Variants in CTNNA3 observed in about 807,000 individuals in gnomAD.
CTNNA3 encodes catenin alpha 3.
CTNNA3 carries 76 observed loss-of-function variants against 95.7 expected under a neutral mutation model. The observed-to-expected ratio is 0.79, with a 90% CI of 0.66 to 0.96. The LOEUF (loss-of-function observed/expected upper bound fraction) is 0.96. CTNNA3 is among the 40% of genes least tolerant of loss of function. The pLI is 0.00. For missense variants in CTNNA3, 1,191 were observed against 1,089.8 expected, an observed-to-expected ratio of 1.09 and a Z score of -1.31; for synonymous variants, 431 against 374.4, an observed-to-expected ratio of 1.15 and a Z score of -1.74.
intron 11 of CTNNA3, among the ~76,000 whole-genome samples, chr10:66,453,200 G>A (rs574545044): frequency 6.7e-6 from 1 of 150,368 alleles, no homozygotes; most frequent in African/African-American, 2.5e-5. Flanking sequence ...CTGGGCGACA[G>A]AAGGAGACTC....
intron 6 of CTNNA3, among the ~76,000 whole-genome samples, chr10:67,183,377 A>G (rs1335665802): frequency 6.6e-6 from 1 of 152,208 alleles, no homozygotes; most frequent in African/African-American, 2.4e-5. Context: ...TGATGAGTTC[A>G]TGTCCTTTGT....
intron 1 of CTNNA3, among the ~76,000 whole-genome samples, chr10:67,687,930 C>A (rs983042607): frequency 6.6e-6 from 1 of 152,190 alleles, no homozygotes; most frequent in Non-Finnish European, 1.5e-5. Context: ...GGGATCCATA[C>A]TGGGGATGGC....
At chr10:66,345,186 C>G (rs904228851) in intron 12 of CTNNA3, among the ~76,000 whole-genome samples, 1 of 151,968 alleles carries the variant, frequency 6.6e-6, no homozygotes. Flanking sequence ...TGTCACTAAA[C>G]AACAATATGT....
rs368512565 is a variant in CTNNA3 at position 66,302,334 on chromosome 10, A to C, written c.1733-21713T>G. On this transcript the variant is annotated intron_variant, in intron 12 of 17. Coordinates refer to ENST00000433211, the MANE Select transcript of CTNNA3 (RefSeq NM_013266.4). ...GTATTTACTAATTGACCCTAAACTT[A>C]ACAGGGAAAAGCAAAAGACCCAGAA... Among the ~76,000 whole-genome samples, 31 of 152,176 alleles carry C rather than the reference A, an allele frequency of 2.0e-4. No individual in the cohort carries two copies. In the South Asian group the frequency reaches 5.8e-3, roughly 28 times the overall value.
chr10:67,154,119 T>G (rs1285621432), intron 7 of CTNNA3, among the ~76,000 whole-genome samples: 1 of 152,160 alleles, frequency 6.6e-6, no homozygotes, highest in Non-Finnish European at 1.5e-5. Context: ...ATTTCAATAT[T>G]TTATTTAAAC....
Position 66,162,031 on chromosome 10 carries a change from G to A in CTNNA3, c.1885-58782C>T, listed in dbSNP as rs375472763. 2.0e-5 allele frequency among the ~76,000 whole-genome samples: 3 copies of A among 151,914 alleles called. No homozygotes were observed. In the East Asian group the frequency reaches 5.8e-4, roughly 29 times the overall value. Reference sequence around the variant, plus strand: ...GAGCATTCTGCATTTCCGAAAGTGTGTCTAAAGTTTCCTGAATTTTTTATT... The same window carrying A: ...GAGCATTCTGCATTTCCGAAAGTGTATCTAAAGTTTCCTGAATTTTTTATT... On this transcript the variant is annotated intron_variant, in intron 13 of 17. Coordinates refer to ENST00000433211, the MANE Select transcript of CTNNA3 (RefSeq NM_013266.4).
chr10:66,558,828 C>T (rs1289389912), intron 10 of CTNNA3, among the ~76,000 whole-genome samples: 1 of 152,092 alleles, frequency 6.6e-6, no homozygotes, highest in Non-Finnish European at 1.5e-5. Flanking sequence ...CATCCAATTT[C>T]ACATTCACAG....
At chr10:67,703,940 A>C (rs1841061081) in intron 1 of CTNNA3, among the ~76,000 whole-genome samples, 1 of 152,258 alleles carries the variant, frequency 6.6e-6, no homozygotes, top group Non-Finnish European at 1.5e-5. Context: ...TCAGGATAGA[A>C]AATCAATGTA....
intron 5 of CTNNA3, among the ~76,000 whole-genome samples, chr10:67,239,406 T>A (rs1251365104): frequency 1.3e-5 from 2 of 150,820 alleles, no homozygotes; most frequent in South Asian, 2.1e-4. Context: ...GTATGTATGG[T>A]TTAATTCCAT....
At chr10:66,664,622 A>T (rs895644003) in intron 9 of CTNNA3, among the ~76,000 whole-genome samples, 4 of 151,916 alleles carry the variant, frequency 2.6e-5, no homozygotes, top group Non-Finnish European at 5.9e-5. Flanking sequence ...ATGACTATTA[A>T]CTGACTGGAA....
intron 5 of CTNNA3, among the ~76,000 whole-genome samples, chr10:67,392,217 C>A (rs1844526730): frequency 1.3e-5 from 2 of 151,998 alleles, no homozygotes; most frequent in Non-Finnish European, 2.9e-5. Context: ...AAGAAAAAAA[C>A]AAACAACCCC....
At chr10:66,729,342 C>T (rs778527604) in intron 9 of CTNNA3, among the ~76,000 whole-genome samples, 4 of 152,242 alleles carry the variant, frequency 2.6e-5, no homozygotes, top group Non-Finnish European at 5.9e-5. Context: ...TATTTTTACA[C>T]TGCAGGTGAG....
intron 11 of CTNNA3, among the ~76,000 whole-genome samples, chr10:66,502,210 A>G (rs1840300426): frequency 6.6e-6 from 1 of 152,128 alleles, no homozygotes; most frequent in Non-Finnish European, 1.5e-5. Context: ...TGAGATTCAC[A>G]GTCAAGTGAA....
chr10:66,588,197 G>A (rs1843424988), intron 10 of CTNNA3, among the ~76,000 whole-genome samples: 1 of 152,024 alleles, frequency 6.6e-6, no homozygotes, highest in Non-Finnish European at 1.5e-5. Context: ...TCCATGGCCT[G>A]AATTGCCCGG....
At chr10:66,029,688 G>T (rs1025605416) in intron 15 of CTNNA3, among the ~76,000 whole-genome samples, 2 of 152,052 alleles carry the variant, frequency 1.3e-5, no homozygotes, top group Non-Finnish European at 2.9e-5. Flanking sequence ...TGTTCAATGG[G>T]ATATAAGCTT....
chr10:66,117,298 A>G (rs1420048558), intron 13 of CTNNA3, among the ~76,000 whole-genome samples: 2 of 152,196 alleles, frequency 1.3e-5, no homozygotes, highest in African/African-American at 4.8e-5. Context: ...TGAAATGCCT[A>G]TATGAACTCT....
At chr10:66,660,472 T>C (rs1217926725) in intron 9 of CTNNA3, among the ~76,000 whole-genome samples, 2 of 152,112 alleles carry the variant, frequency 1.3e-5, no homozygotes, top group Admixed American at 6.5e-5. Flanking sequence ...GTTCTTAGAG[T>C]TGTGCTAGAG....
At chr10:66,766,077 A>T in intron 9 of CTNNA3, 187 bp downstream of exon 9, 1 of 466,556 alleles carries the variant, frequency 2.1e-6, no homozygotes, top group Non-Finnish European at 3.8e-6. Context: ...TGTTTAAAAA[A>T]TAAGACAAGC....
intron 7 of CTNNA3, among the ~76,000 whole-genome samples, chr10:66,803,517 G>T (rs531182398): frequency 9.9e-5 from 15 of 152,022 alleles, no homozygotes; most frequent in African/African-American, 3.6e-4. Flanking sequence ...GAGTTTATTT[G>T]CATGTCTCTC....
Sources: allele counts gnomAD v4.1 joint callset (sites outside exome capture counted in the v4.1 genomes callset), GRCh38; gene constraint gnomAD v4.1.1; transcripts MANE v1.5; gene names NCBI Gene and HGNC (gene_info 2026-07-23, HGNC 2026-07-21).